The following MCF2L2 variants were observed in gnomAD, a reference collection of about 807,000 sequenced individuals.
MCF2L2 encodes probable guanine nucleotide exchange factor MCF2L2.
In MCF2L2, 102 loss-of-function variants were observed where a neutral mutation model predicts 150.2. That is an observed-to-expected ratio of 0.68 (90% CI 0.58 to 0.80). The LOEUF is 0.80. Among genes scored for constraint, MCF2L2 ranks in the 30% least tolerant of loss-of-function variants. The probability of loss-of-function intolerance (pLI) is 0.00; values close to 1 mark genes in which losing one functional copy is unlikely to be tolerated. For missense variants in MCF2L2, 1,256 were observed against 1,372.8 expected, an observed-to-expected ratio of 0.91 and a Z score of 1.34; for synonymous variants, 465 against 491.3, an observed-to-expected ratio of 0.95 and a Z score of 0.71.
chr3:183,361,297 GAATGCTGGT>G lies in MCF2L2; in HGVS notation c.275+17991_275+17999del, dbSNP rs1712187341. 2.6e-5 allele frequency among the ~76,000 whole-genome samples: 4 copies of G among 152,262 alleles called. No individual in the cohort carries two copies. The South Asian group carries it at 8.3e-4, about 32-fold the overall frequency. Reference sequence around the variant, plus strand: ...TGCTGTTGTTTAACAGCAGATACAAGAATGCTGGTAATGCTACTGTACTGCTTAGTTACT... The same window carrying G: ...TGCTGTTGTTTAACAGCAGATACAAGAATGCTACTGTACTGCTTAGTTACT... On this transcript the variant is annotated intron_variant, in intron 3 of 29. Transcript: ENST00000328913.
At chr3:183,336,368 G>A (rs1730481436) in intron 5 of MCF2L2, among the ~76,000 whole-genome samples, 2 of 151,942 alleles carry the variant, frequency 1.3e-5, no homozygotes, top group African/African-American at 4.8e-5. Flanking sequence ...TTTCTGTTGA[G>A]TTTGAAATTA....
At chr3:183,212,597 G>A (rs1722771444) in intron 22 of MCF2L2, among the ~76,000 whole-genome samples, 1 of 152,208 alleles carries the variant, frequency 6.6e-6, no homozygotes, top group Non-Finnish European at 1.5e-5. Context: ...AGTGAATCTA[G>A]GGAAGCTGGC....
At chr3:183,207,133 G>A (rs976191615) in intron 23 of MCF2L2, among the ~76,000 whole-genome samples, 1 of 152,100 alleles carries the variant, frequency 6.6e-6, no homozygotes. Flanking sequence ...CATAGCCTGA[G>A]AGCTAACTGG....
In MCF2L2 at chr3:183,387,819, C is replaced by T. The variant is rs566540313; in HGVS notation, c.160+1877G>A. ...TGATGGCGGGTGCCTATAATCCCAG[C>T]TACTCAGGAGGCTGAGGCAGGATAA... On this transcript the variant is annotated intron_variant, in intron 2 of 29. Transcript: ENST00000328913. 2.2e-4 allele frequency among the ~76,000 whole-genome samples: 33 copies of T among 150,900 alleles called. No individual in the cohort carries two copies. In the South Asian group the frequency reaches 6.7e-3, roughly 31 times the overall value.
At chr3:183,249,848 T>C (rs1724435159) in intron 15 of MCF2L2, among the ~76,000 whole-genome samples, 1 of 152,190 alleles carries the variant, frequency 6.6e-6, no homozygotes, top group Non-Finnish European at 1.5e-5. Context: ...GGAAGTGCTA[T>C]GCAAAAATTC....
chr3:183,323,537 A>G (rs935947984), intron 5 of MCF2L2, among the ~76,000 whole-genome samples, 186 bp from the exon 6 acceptor site: 1 of 151,952 alleles, frequency 6.6e-6, no homozygotes, highest in Non-Finnish European at 1.5e-5. Flanking sequence ...CATGCCGGTA[A>G]TCTCAGCACT....
chr3:183,381,564 AAGTT>A (rs1263835188), intron 2 of MCF2L2, among the ~76,000 whole-genome samples: 1 of 152,250 alleles, frequency 6.6e-6, no homozygotes, highest in Non-Finnish European at 1.5e-5. Context: ...TGTAAAGAAT[AAGTT>A]AGCGCTGTGG....
chr3:183,195,073 G>T, intron 26 of MCF2L2, 149 bp downstream of exon 26: 1 of 677,426 alleles, frequency 1.5e-6, no homozygotes, highest in Non-Finnish European at 2.5e-6. Context: ...GTGAGCCACT[G>T]CGCCCAGCCA....
intron 22 of MCF2L2, among the ~76,000 whole-genome samples, chr3:183,211,955 C>T (rs1443844225): frequency 6.6e-6 from 1 of 152,136 alleles, no homozygotes; most frequent in Non-Finnish European, 1.5e-5. Context: ...TTTGCAGATA[C>T]AATTGGTTAA....
At position 183,384,876 on chromosome 3, in the gene MCF2L2, T is replaced by C. The variant is rs867494539; in HGVS notation, c.160+4820A>G. Among the ~76,000 whole-genome samples the C allele has an allele frequency of 1.5e-4, 23 of 152,276 alleles. 1 individual carries two copies. In the Middle Eastern group the frequency reaches 0.027, roughly 180 times the overall value. On this transcript the variant is annotated intron_variant, in intron 2 of 29. Coordinates refer to ENST00000328913, the MANE Select transcript of MCF2L2 (RefSeq NM_015078.4). ...GTTGAGCCCACCCTTGCAGATATAG[T>C]ATCTATAAATTTTATGTTAGGATGG... is the stretch of plus-strand genomic sequence containing the variant.
intron 15 of MCF2L2, chr3:183,254,781 G>A (rs980648467): frequency 2.0e-5 from 3 of 152,300 alleles, no homozygotes; most frequent in African/African-American, 4.8e-5. Flanking sequence ...ACTGGCGGGG[G>A]AAATGGGGAC....
chr3:183,230,162 G>A (rs1417347271), intron 16 of MCF2L2, among the ~76,000 whole-genome samples: 2 of 152,144 alleles, frequency 1.3e-5, no homozygotes, highest in East Asian at 1.9e-4. Context: ...TTCCCAGGCT[G>A]GAGTGCAATG....
intron 10 of MCF2L2, among the ~76,000 whole-genome samples, chr3:183,307,381 C>G (rs1179145763): frequency 1.3e-5 from 2 of 152,206 alleles, no homozygotes; most frequent in African/African-American, 4.8e-5. Flanking sequence ...ATCTCAGTTA[C>G]GATGAGACAG....
intron 15 of MCF2L2, chr3:183,265,345 T>G (rs535685394): frequency 6.6e-6 from 1 of 152,340 alleles, no homozygotes; most frequent in Non-Finnish European, 1.5e-5. Context: ...GAGCTGCGCA[T>G]TCGGCATTGG....
intron 15 of MCF2L2, chr3:183,273,116 G>T: frequency 9.9e-7 from 1 of 1,007,552 alleles, no homozygotes; most frequent in Non-Finnish European, 1.4e-6. Context: ...AAACTTTTTG[G>T]TGCTCCAGTG....
At chr3:183,304,753 C>T (rs1213516839) in intron 10 of MCF2L2, among the ~76,000 whole-genome samples, 2 of 151,732 alleles carry the variant, frequency 1.3e-5, no homozygotes, top group East Asian at 3.9e-4. Context: ...GGATTACAGG[C>T]GTGAGCCACC....
At chr3:183,286,925 A>T (rs1727828567) in intron 14 of MCF2L2, among the ~76,000 whole-genome samples, 1 of 152,250 alleles carries the variant, frequency 6.6e-6, no homozygotes, top group Non-Finnish European at 1.5e-5. Flanking sequence ...TGATTGTAAC[A>T]TGGACTTGTG....
chr3:183,302,078 T>C (rs1483942170), intron 10 of MCF2L2, among the ~76,000 whole-genome samples: 1 of 152,146 alleles, frequency 6.6e-6, no homozygotes, highest in Non-Finnish European at 1.5e-5. Context: ...ATTGAGTCTC[T>C]AATGAGCTCC....
At chr3:183,231,908 G>A (rs927232088) in intron 15 of MCF2L2, among the ~76,000 whole-genome samples, 3 of 152,170 alleles carry the variant, frequency 2.0e-5, no homozygotes, top group African/African-American at 7.2e-5. Flanking sequence ...AATGCAGGTG[G>A]AAGATGTGGT....
Sources: allele counts gnomAD v4.1 joint callset (sites outside exome capture counted in the v4.1 genomes callset), GRCh38; gene constraint gnomAD v4.1.1; transcripts MANE v1.5; gene names NCBI Gene and HGNC (gene_info 2026-07-23, HGNC 2026-07-21).